The following ATM variants were observed in gnomAD, a reference collection of about 807,000 sequenced individuals.
ATM encodes ATM serine/threonine kinase, also known as serine-protein kinase ATM.
ATM carries 308 observed loss-of-function variants against 387.0 expected under a neutral mutation model. The observed-to-expected ratio is 0.80, with a 90% CI of 0.73 to 0.87. The LOEUF (loss-of-function observed/expected upper bound fraction) is 0.87. Among genes scored for constraint, ATM ranks in the 40% least tolerant of loss-of-function variants. The pLI is 0.00. For missense variants in ATM, 3,312 were observed against 3,560.9 expected (o/e 0.93, Z 1.78); for synonymous variants, 1,156 against 1,187.3 (o/e 0.97, Z 0.54).
intron 26 of ATM, 54 bp from the exon 27 acceptor site, chr11:108,287,546 T>G: frequency 8.3e-7 from 1 of 1,202,438 alleles, no homozygotes; most frequent in Non-Finnish European, 1.2e-6. Context: ...TTGAGCTGTC[T>G]TGACGTTCAC....
At chr11:108,237,468 C>G (rs2079333784) in intron 5 of ATM, among the ~76,000 whole-genome samples, 1 of 151,550 alleles carries the variant, frequency 6.6e-6, no homozygotes. Context: ...ACTCTTACTT[C>G]TTTTTTTTTC....
intron 26 of ATM, among the ~76,000 whole-genome samples, chr11:108,285,087 G>T (rs1480665869): frequency 1.3e-5 from 2 of 152,078 alleles, no homozygotes; most frequent in African/African-American, 4.8e-5. Context: ...AGCCACCCAA[G>T]TAGCTGGGAC....
chr11:108,226,552 C>T (rs555990229), intron 1 of ATM: 1 of 152,242 alleles, frequency 6.6e-6, no homozygotes, highest in Admixed American at 6.5e-5. Context: ...CATTTTACTC[C>T]TATTGTTATG....
At chr11:108,291,466 A>G (rs570814891) in intron 29 of ATM, among the ~76,000 whole-genome samples, 2 of 152,294 alleles carry the variant, frequency 1.3e-5, no homozygotes, top group East Asian at 3.9e-4. Context: ...CCAAACTTTC[A>G]TTATCTCAAA....
At chr11:108,231,006 C>T (rs2078983992) in intron 4 of ATM, 1 of 152,092 alleles carries the variant, frequency 6.6e-6, no homozygotes, top group African/African-American at 2.4e-5. Flanking sequence ...CTGGCCAGGA[C>T]TCAATCTTTT....
At chr11:108,238,720 G>C (rs2079418967) in intron 5 of ATM, among the ~76,000 whole-genome samples, 1 of 151,798 alleles carries the variant, frequency 6.6e-6, no homozygotes, top group Non-Finnish European at 1.5e-5. Flanking sequence ...TCTGTAAGCA[G>C]TAATTTTTTT....
intron 57 of ATM, 127 bp from the exon 58 acceptor site, chr11:108,345,616 C>CT (rs1199580732): frequency 1.3e-6 from 1 of 747,444 alleles, no homozygotes. Flanking sequence ...CTGTTAGCTT[C>CT]TTGTAGGTAA....
intron 61 of ATM, among the ~76,000 whole-genome samples, chr11:108,358,232 G>T (rs2090266648): frequency 6.6e-6 from 1 of 150,968 alleles, no homozygotes; most frequent in Non-Finnish European, 1.5e-5. Context: ...AAGCGAGAAG[G>T]GAAGTTCAGA....
intron 40 of ATM, among the ~76,000 whole-genome samples, chr11:108,315,169 A>G (rs2084510667): frequency 6.6e-6 from 1 of 152,224 alleles, no homozygotes; most frequent in Non-Finnish European, 1.5e-5. Flanking sequence ...TGTGGAAATT[A>G]TTAGTGTCAC....
Position 108,268,475 on chromosome 11 carries a change from A to G in ATM, c.2704A>G (p.Lys902Glu), listed in dbSNP as rs2135524412. ...AGATCTACTTTTCTTAGACATGCTC[A>G]AGTTCTTGTGTTTGTGTGTAACTAC... ...KQDLLFLDML[K>E]FLCLCVTTAQ... is the part of the protein sequence containing the mutation. Residue 902 changes from lysine (K) to glutamate (E), a missense_variant, in exon 18 of 63, where the codon AAG becomes GAG. Physicochemically the swap from Lys to Glu is moderately conservative, Grantham distance 56. Coordinates refer to ENST00000675843, the MANE Select transcript of ATM (RefSeq NM_000051.4). The G allele has an allele frequency of 6.2e-7, 1 of 1,614,068 alleles. No individual in the cohort carries two copies. Among genetic ancestry groups the G allele is most frequent in the Middle Eastern group, 1.7e-4 (1 of 6,060 alleles).
chr11:108,325,269 C>G lies in ATM; in HGVS notation c.6573-41C>G, dbSNP rs770864116. ...ACATAGTTTTTTTTTTTTTTTTTTT[C>G]ATTTCTCTTGCTTACATGAACTCTA... On this transcript the variant is annotated intron_variant, in intron 45 of 62. Coordinates refer to ENST00000675843, the MANE Select transcript of ATM (RefSeq NM_000051.4). The G allele has an allele frequency of 1.2e-4, 45 of 378,312 alleles. No individual in the cohort carries two copies. Among genetic ancestry groups the G allele is most frequent in the Non-Finnish European group, 1.5e-4 (35 of 233,100 alleles). The allele number at this position is 378,312 out of a possible 1,614,324, so 23.4% of individuals were successfully genotyped here. A position where few individuals can be genotyped will look rare whatever the true frequency, so the allele number is the denominator to read the frequency against.
intron 59 of ATM, among the ~76,000 whole-genome samples, chr11:108,350,029 AT>A (rs1407329614): frequency 6.6e-6 from 1 of 152,192 alleles, no homozygotes; most frequent in Non-Finnish European, 1.5e-5. Flanking sequence ...TTTGCTAAGA[AT>A]TGGAGGGATG....
intron 36 of ATM, 104 bp from the exon 37 acceptor site, chr11:108,304,571 T>G: frequency 1.7e-6 from 2 of 1,146,964 alleles, no homozygotes; most frequent in Admixed American, 2.1e-5. Context: ...CTATCATCTT[T>G]TAGAAATTTA....
rs74954866 is a variant in ATM, at chr11:108,230,435, C to G, written c.331+1112C>G. 325 of 152,192 alleles carry G rather than the reference C, an allele frequency of 2.1e-3. 1 individual carries two copies. The highest frequency in any genetic ancestry group is 7.1e-3 in the African/African-American group (295 of 41,544). The allele number at this position is 152,192 out of a possible 1,614,324, so 9.4% of individuals were successfully genotyped here. On this transcript the variant is annotated intron_variant, in intron 4 of 62. Coordinates refer to ENST00000675843, the MANE Select transcript of ATM (RefSeq NM_000051.4). ...TCAAAAAAAGAAAAGTATTAAAAAC[C>G]TGTCTTTTGTTACTGCTTCTCCCTT...
At chr11:108,345,327 A>C (rs1435756290) in intron 57 of ATM, among the ~76,000 whole-genome samples, 1 of 152,194 alleles carries the variant, frequency 6.6e-6, no homozygotes, top group African/African-American at 2.4e-5. Flanking sequence ...ATGTTGGAGG[A>C]TAGAGATCTG....
At chr11:108,351,404 T>C (rs2089185522) in intron 59 of ATM, among the ~76,000 whole-genome samples, 1 of 152,232 alleles carries the variant, frequency 6.6e-6, no homozygotes. Flanking sequence ...TACCTGTTGC[T>C]GCATAACAAA....
intron 15 of ATM, among the ~76,000 whole-genome samples, chr11:108,258,550 A>G (rs1162566883): frequency 6.6e-6 from 1 of 152,152 alleles, no homozygotes; most frequent in Admixed American, 6.5e-5. Context: ...CTTTGTTTTT[A>G]TCTGCAGCAG....
chr11:108,336,991 G>A (rs1283823359), intron 56 of ATM, among the ~76,000 whole-genome samples: 2 of 152,052 alleles, frequency 1.3e-5, no homozygotes, highest in East Asian at 1.9e-4. Context: ...AGGGACTATG[G>A]GTGACATGTG....
Position 108,328,348 on chromosome 11 carries a change from G to A in ATM, c.7089+590G>A, listed in dbSNP as rs4988115. Among the ~76,000 whole-genome samples the A allele has an allele frequency of 5.1e-3, 782 of 152,284 alleles. 8 individuals are homozygous for A. Among genetic ancestry groups the A allele is most frequent in the African/African-American group, 0.018 (745 of 41,550 alleles). On this transcript the variant is annotated intron_variant, in intron 48 of 62. Coordinates refer to ENST00000675843, the MANE Select transcript of ATM (RefSeq NM_000051.4). ...TGCAACCTCTGCCTCCTGGGTTCAA[G>A]CGATTCTCCTGCCTCAGCTTCCCAA...
Sources: allele counts gnomAD v4.1 joint callset (sites outside exome capture counted in the v4.1 genomes callset), GRCh38; gene constraint gnomAD v4.1.1; transcripts MANE v1.5; gene names NCBI Gene and HGNC (gene_info 2026-07-23, HGNC 2026-07-21).